Variants in CDH23 observed in about 807,000 individuals in gnomAD.
The protein encoded by CDH23 is cadherin related 23.
A neutral mutation model predicts 317.1 loss-of-function variants in CDH23; 189 were observed. That is an observed-to-expected ratio of 0.60 (90% CI 0.53 to 0.67). The LOEUF (loss-of-function observed/expected upper bound fraction) is 0.67, where lower values mean the gene tolerates loss of function less well. Among genes scored for constraint, CDH23 ranks in the 30% least tolerant of loss-of-function variants. The pLI, the probability that CDH23 is intolerant of heterozygous loss-of-function variation, is 0.00. For synonymous variants in CDH23, 1,839 were observed against 1,876.8 expected, an observed-to-expected ratio of 0.98 and a Z score of 0.52; for missense variants, 4,401 against 4,592.4, an observed-to-expected ratio of 0.96 and a Z score of 1.20.
Position 71,784,344 on chromosome 10 carries a change from T to C in CDH23, c.5426T>C (p.Leu1809Pro). The C allele has an allele frequency of 6.2e-7, 1 of 1,613,952 alleles. No individual in the cohort carries two copies. The highest frequency in any genetic ancestry group is 1.3e-5 in the African/African-American group (1 of 75,046). The change falls in exon 42 of 70, where the codon CTG becomes CCG. Residue 1809 changes from leucine (L) to proline (P), a missense_variant. Physicochemically the swap from Leu to Pro is moderately conservative, Grantham distance 98 (BLOSUM62 -3). Transcript: ENST00000224721. Reference sequence around the variant, plus strand: ...CTAAGGGTCCGGAAGGACGTGGAGCTGGACCGGGAGACCATCGCCTTCTAC... The same window carrying C: ...CTAAGGGTCCGGAAGGACGTGGAGCCGGACCGGGAGACCATCGCCTTCTAC... ...GVLRVRKDVE[L>P]DRETIAFYNL...
chr10:71,791,238 G>C lies in CDH23; in HGVS notation c.6156G>C (p.Thr2052=). ...AGGACATCGGGCTGCTCAACAGCACGGCCCACCTGCTCATCACCATCCTGG... is the reference window on the plus strand; with the variant it reads ...AGGACATCGGGCTGCTCAACAGCACCGCCCACCTGCTCATCACCATCCTGG... ...LAEDIGLLNS[T]AHLLITILDD... The change falls in exon 47 of 70, where the codon ACG becomes ACC. Residue 2052 remains threonine, a synonymous_variant. Transcript: ENST00000224721. The C allele has an allele frequency of 1.6e-5, 26 of 1,613,540 alleles. No homozygotes were observed. The highest frequency in any genetic ancestry group is 2.2e-5 in the Non-Finnish European group (26 of 1,179,604).
intron 9 of CDH23, among the ~76,000 whole-genome samples, chr10:71,591,609 A>C (rs1268420752): frequency 6.6e-6 from 1 of 152,210 alleles, no homozygotes; most frequent in Non-Finnish European, 1.5e-5. Flanking sequence ...TGTTTAAAAA[A>C]ATTAAAGAAA....
chr10:71,812,013 T>C lies in CDH23; in HGVS notation c.9378T>C (p.Asp3126=), dbSNP rs2133004254. The C allele has an allele frequency of 1.2e-6, 2 of 1,613,900 alleles. No homozygotes were observed. Among genetic ancestry groups the C allele is most frequent in the Non-Finnish European group, 1.7e-6 (2 of 1,179,876 alleles). The change falls in exon 66 of 70, where the codon GAT becomes GAC. Residue 3126 remains aspartate, a splice_region_variant and synonymous_variant. Transcript: ENST00000224721. Reference sequence around the variant, plus strand: ...CTAACACCAACAAGTACTCCTTTGATGGGTGAGTGGGGTACTGGCCCTGCC... The same window carrying C: ...CTAACACCAACAAGTACTCCTTTGACGGGTGAGTGGGGTACTGGCCCTGCC... The part of the protein sequence containing the change: ...DMPNTNKYSF[D]GANPVWLDPF...
At chr10:71,427,597 G>A (rs1304276573) in intron 1 of CDH23, among the ~76,000 whole-genome samples, 1 of 152,022 alleles carries the variant, frequency 6.6e-6, no homozygotes, top group Non-Finnish European at 1.5e-5. Context: ...TGGCTATTAT[G>A]AATAATGATG....
intron 28 of CDH23, chr10:71,713,415 G>T: frequency 1.6e-6 from 1 of 631,452 alleles, no homozygotes; most frequent in Non-Finnish European, 2.8e-6. Context: ...ACCAACTATG[G>T]GGTTTCCGAC....
chr10:71,673,352 G>T (rs541237534), intron 14 of CDH23, among the ~76,000 whole-genome samples: 11 of 152,348 alleles, frequency 7.2e-5, no homozygotes, highest in Non-Finnish European at 1.2e-4. Flanking sequence ...GGGGTTCAAT[G>T]ACATGGCAGT....
intron 11 of CDH23, among the ~76,000 whole-genome samples, chr10:71,642,174 G>A (rs1435367503): frequency 1.3e-5 from 2 of 151,912 alleles, no homozygotes; most frequent in East Asian, 3.9e-4. Flanking sequence ...AACCTCCTCT[G>A]CTTGTCCTCC....
chr10:71,808,264 G>A (rs138979912), intron 60 of CDH23, among the ~76,000 whole-genome samples: 53 of 151,918 alleles, frequency 3.5e-4, no homozygotes, highest in East Asian at 2.1e-3. Context: ...TTAGTTATCC[G>A]TCCATCCATG....
intron 6 of CDH23, among the ~76,000 whole-genome samples, chr10:71,516,932 G>A (rs1854363263): frequency 6.6e-6 from 1 of 152,232 alleles, no homozygotes; most frequent in South Asian, 2.1e-4. Context: ...TTGCTCAGGA[G>A]ATGGCTGTGG....
At position 71,815,154 on chromosome 10, in the gene CDH23, C is replaced by T. The variant is rs559427378; in HGVS notation, c.9941C>T (p.Thr3314Met). Residue 3314 changes from threonine (T) to methionine (M), a missense_variant, in exon 70 of 70, where the codon ACG (threonine) becomes ATG (methionine). By Grantham distance (81) the Thr-to-Met change is moderately conservative (BLOSUM62 -1). Coordinates refer to ENST00000224721, the MANE Select transcript of CDH23 (RefSeq NM_022124.6). Reference sequence around the variant, plus strand: ...AAGGGCCTGGGCCGCTCGCTGGAGACGCTGACCGCTGCCGAGGCCACTGCC... The same window carrying T: ...AAGGGCCTGGGCCGCTCGCTGGAGATGCTGACCGCTGCCGAGGCCACTGCC... ...DQKGLGRSLE[T>M]LTAAEATAFE... The T allele has an allele frequency of 2.9e-5, 47 of 1,611,192 alleles. No individual in the cohort carries two copies. Among genetic ancestry groups the T allele is most frequent in the East Asian group, 1.8e-4 (8 of 44,842 alleles).
At chr10:71,510,811 G>A (rs1220426120) in intron 4 of CDH23, 143 bp from the exon 5 acceptor site, 7 of 728,262 alleles carry the variant, frequency 9.6e-6, no homozygotes, top group East Asian at 2.6e-5. Flanking sequence ...GGCAATGCTG[G>A]TATTTTAGGG....
rs868345155 is a variant in CDH23 at position 71,743,679 on chromosome 10, G to A, written c.4845+1758G>A. The stretch of plus-strand genomic sequence containing the variant: ...GAGGGGTATCATTTATTGTGTTAAC[G>A]TGGGAGGACCCAGTTTCGACATGAC... On this transcript the variant is annotated intron_variant, in intron 38 of 69. Coordinates refer to ENST00000224721, the MANE Select transcript of CDH23 (RefSeq NM_022124.6). Among the ~76,000 whole-genome samples, 6 of 152,222 alleles carry A rather than the reference G, an allele frequency of 3.9e-5. No individual in the cohort carries two copies. In the South Asian group the frequency reaches 8.3e-4, roughly 21 times the overall value.
At chr10:71,782,782 T>A (rs1052298904) in intron 41 of CDH23, among the ~76,000 whole-genome samples, 5 of 152,196 alleles carry the variant, frequency 3.3e-5, no homozygotes, top group Non-Finnish European at 7.4e-5. Context: ...TTTGGAGACC[T>A]TGGGGTGTCA....
intron 11 of CDH23, among the ~76,000 whole-genome samples, chr10:71,635,515 C>T (rs1051325578): frequency 5.3e-5 from 8 of 152,060 alleles, no homozygotes; most frequent in Non-Finnish European, 7.4e-5. Flanking sequence ...AAGCTGAAGG[C>T]GAGGCAGCCT....
At chr10:71,703,479 G>T (rs1865667924) in intron 24 of CDH23, among the ~76,000 whole-genome samples, 1 of 152,244 alleles carries the variant, frequency 6.6e-6, no homozygotes, top group Non-Finnish European at 1.5e-5. Flanking sequence ...TGGCTGTGCT[G>T]TGGGGACTCA....
chr10:71,586,660 C>G (rs565863049), intron 9 of CDH23, among the ~76,000 whole-genome samples: 1 of 152,322 alleles, frequency 6.6e-6, no homozygotes, highest in African/African-American at 2.4e-5. Flanking sequence ...TCCTCTACCC[C>G]ATTCCCTGCC....
At chr10:71,593,803 G>T (rs1859660358) in intron 9 of CDH23, among the ~76,000 whole-genome samples, 1 of 152,164 alleles carries the variant, frequency 6.6e-6, no homozygotes, top group African/African-American at 2.4e-5. Context: ...TGTGCAGCCT[G>T]CAAGCTGAGA....
intron 38 of CDH23, chr10:71,752,959 T>C: frequency 1.9e-6 from 3 of 1,611,844 alleles, no homozygotes; most frequent in Non-Finnish European, 2.5e-6. Context: ...CTCAAGAAGG[T>C]CTCCATGGGC....
At chr10:71,471,687 T>C (rs931381280) in intron 3 of CDH23, among the ~76,000 whole-genome samples, 1 of 151,622 alleles carries the variant, frequency 6.6e-6, no homozygotes, top group African/African-American at 2.4e-5. Context: ...TCTCTAACCA[T>C]CCCACGCCGT....
Sources: allele counts gnomAD v4.1 joint callset (sites outside exome capture counted in the v4.1 genomes callset), GRCh38; gene constraint gnomAD v4.1.1; transcripts MANE v1.5; gene names NCBI Gene and HGNC (gene_info 2026-07-23, HGNC 2026-07-21).